The following SMIM5 variants were observed in gnomAD, a reference collection of about 807,000 sequenced individuals.
The protein encoded by SMIM5 is small integral membrane protein 5, also known as chromosome 17 open reading frame 109.
Under a neutral mutation model 4.0 loss-of-function variants are expected in SMIM5, and 4 were observed. The ratio of observed to expected loss-of-function variants is 1.01; its 90% CI spans 0.50 to 2.30. The LOEUF is 2.30. Among genes scored for constraint, SMIM5 ranks in the 30% most tolerant of loss-of-function variants. The pLI is 0.02. For missense variants in SMIM5, 107 were observed against 99.2 expected, an observed-to-expected ratio of 1.08 and a Z score of -0.34; for synonymous variants, 46 against 43.6, an observed-to-expected ratio of 1.05 and a Z score of -0.22.
chr17:75,640,142 C>T lies in SMIM5; in HGVS notation c.-36-24C>T. 1 of 1,491,466 alleles carries T rather than the reference C, an allele frequency of 6.7e-7. No homozygotes were observed. The highest frequency in any genetic ancestry group is 8.9e-7 in the Non-Finnish European group (1 of 1,123,132). The allele number at this position is 1,491,466 out of a possible 1,614,324, so 92.4% of individuals were successfully genotyped here. A position where few individuals can be genotyped will look rare whatever the true frequency, so the allele number is the denominator to read the frequency against. Reference sequence around the variant, plus strand: ...AGTGTGGGGCCAGCCGTGGAGGCTCCAGGTGTTCTCTCTGCCCCAGCAGAG... The same window carrying T: ...AGTGTGGGGCCAGCCGTGGAGGCTCTAGGTGTTCTCTCTGCCCCAGCAGAG... On this transcript the variant is annotated intron_variant, in intron 1 of 2. Coordinates refer to ENST00000375215, the MANE Select transcript of SMIM5 (RefSeq NM_001162995.3). The surrounding 1 kb of genome is among the most constrained non-coding windows in gnomAD (Gnocchi z 4.6).
chr17:75,640,105 G>A lies in SMIM5; in HGVS notation c.-36-61G>A, dbSNP rs77421619. On this transcript the variant is annotated intron_variant, in intron 1 of 2. Transcript: ENST00000375215. This position sits in a 1 kb window ranked among gnomAD's most constrained non-coding sequence, Gnocchi z 4.6. ...CGGATGGGTGCGAGGGTGGAATCTC[G>A]GTGCTGCGACGAGTGTGGGGCCAGC... The A allele has an allele frequency of 2.2e-3, 3,155 of 1,429,056 alleles. 53 individuals carry two copies. The African/African-American group carries it at 0.039, about 18-fold the overall frequency. 88.5% of individuals were successfully genotyped at this position (1,429,056 alleles called of 1,614,324 possible). A position where few individuals can be genotyped will look rare whatever the true frequency, so the allele number is the denominator to read the frequency against.
Position 75,640,350 on chromosome 17 carries a change from C to A in SMIM5, c.127+22C>A. On this transcript the variant is annotated intron_variant, in intron 2 of 2. Transcript: ENST00000375215. This position sits in a 1 kb window ranked among gnomAD's most constrained non-coding sequence, Gnocchi z 4.6. ...ACAGGTTAGTTGGGGCACTCAGCAC[C>A]CCATGGCTCTCCCTGGCATCTGGGA... 6.6e-7 allele frequency: 1 copy of A among 1,523,248 alleles called. No individual in the cohort carries two copies. Among genetic ancestry groups the A allele is most frequent in the Non-Finnish European group, 8.8e-7 (1 of 1,130,626 alleles). 94.4% of individuals were successfully genotyped at this position (1,523,248 alleles called of 1,614,324 possible).
Position 75,637,615 on chromosome 17 carries a change from TA to T in SMIM5, c.-36-2550del, listed in dbSNP as rs1290877319. 4.6e-5 allele frequency: 7 copies of T among 152,284 alleles called. No homozygotes were observed. In the East Asian group the frequency reaches 1.3e-3, roughly 29 times the overall value. 9.4% of individuals were successfully genotyped at this position (152,284 alleles called of 1,614,324 possible). A position where few individuals can be genotyped will look rare whatever the true frequency, so the allele number is the denominator to read the frequency against. ...AGGCTGGCTAGACTCACAAGACCTG[TA>T]CCTGTGGTGACAAGGACTCCAGGTA... On this transcript the variant is annotated intron_variant, in intron 1 of 2. Coordinates refer to ENST00000375215, the MANE Select transcript of SMIM5 (RefSeq NM_001162995.3).
intron 1 of SMIM5, among the ~76,000 whole-genome samples, chr17:75,635,350 T>C (rs1428780434): frequency 3.9e-5 from 6 of 152,112 alleles, no homozygotes; most frequent in Non-Finnish European, 7.4e-5. Flanking sequence ...GGCAGGCAGG[T>C]GGGGATCCCT....
At chr17:75,635,883 G>C (rs1040673172) in intron 1 of SMIM5, 1 of 985,124 alleles carries the variant, frequency 1.0e-6, no homozygotes, top group Non-Finnish European at 1.2e-6. Context: ...TCAGCTCTGC[G>C]AGGAGGAAAC....
rs1017565582 is a variant in SMIM5 at position 75,633,753 on chromosome 17, CCTCCACAGG to C, written c.-482_-474del. 9.6e-7 allele frequency: 1 copy of C among 1,040,614 alleles called. No individual in the cohort carries two copies. The allele number at this position is 1,040,614 out of a possible 1,614,324, so 64.5% of individuals were successfully genotyped here. ...AGACCTGAGAGCGCTGCAGGACTCCCCTCCACAGGCTCAGGTGGAGCCTCCCCAGGGTCC... is the reference window on the plus strand; with the variant it reads ...AGACCTGAGAGCGCTGCAGGACTCCCCTCAGGTGGAGCCTCCCCAGGGTCC... On this transcript the variant is annotated 5_prime_UTR_variant, in exon 1 of 3. Transcript: ENST00000375215.
intron 1 of SMIM5, 135 bp downstream of exon 1, chr17:75,634,337 G>T: frequency 1.2e-6 from 1 of 854,438 alleles, no homozygotes; most frequent in Non-Finnish European, 1.4e-6. Context: ...CTTCCCTGCA[G>T]GGAAGTCAGC....
At chr17:75,637,650 G>A (rs2059350358) in intron 1 of SMIM5, 1 of 152,328 alleles carries the variant, frequency 6.6e-6, no homozygotes, top group Admixed American at 6.5e-5. Context: ...TAGTCTCAAA[G>A]AGCCTGGTGT....
In SMIM5 at chr17:75,633,603, T is replaced by C. The variant is rs2059263036; in HGVS notation, c.-636T>C. On this transcript the variant is annotated 5_prime_UTR_variant, in exon 1 of 3. Coordinates refer to ENST00000375215, the MANE Select transcript of SMIM5 (RefSeq NM_001162995.3). ...CTGGTTGCAAAGCCTCCTGCTCAGC[T>C]TGAGAGGGCCACCAGCTCCCCACTG... is the stretch of plus-strand genomic sequence containing the variant. 2.5e-6 allele frequency: 3 copies of C among 1,214,988 alleles called. No homozygotes were observed. The highest frequency in any genetic ancestry group is 3.2e-6 in the Non-Finnish European group (3 of 951,256). The allele number at this position is 1,214,988 out of a possible 1,614,324, so 75.3% of individuals were successfully genotyped here.
chr17:75,637,704 T>C (rs999415104), intron 1 of SMIM5: 3 of 152,304 alleles, frequency 2.0e-5, no homozygotes, highest in African/African-American at 7.2e-5. Context: ...CAGCTTCAGA[T>C]CCACAAATGT....
Position 75,641,164 on chromosome 17 carries a change from C to T in SMIM5, c.*267C>T, listed in dbSNP as rs910508556. ...ACTGGGTCAACTGCCTGGGCTTCTT[C>T]GCCTACCTGCACTTTTTAACAAAAC... On this transcript the variant is annotated 3_prime_UTR_variant, in exon 3 of 3. Transcript: ENST00000375215. The T allele has an allele frequency of 2.6e-5, 12 of 465,534 alleles. No homozygotes were observed. Among genetic ancestry groups the T allele is most frequent in the Non-Finnish European group, 3.8e-5 (10 of 262,608 alleles). The allele number at this position is 465,534 out of a possible 1,614,324, so 28.8% of individuals were successfully genotyped here. A position where few individuals can be genotyped will look rare whatever the true frequency, so the allele number is the denominator to read the frequency against.
Position 75,634,037 on chromosome 17 carries a change from G to A in SMIM5, c.-202G>A, listed in dbSNP as rs989090880. On this transcript the variant is annotated 5_prime_UTR_variant, in exon 1 of 3. Coordinates refer to ENST00000375215, the MANE Select transcript of SMIM5 (RefSeq NM_001162995.3). ...AATTTGACACTTGGATCTCCAGGAC[G>A]ACCAACAACAAAAAAGCCAGGCAGA... is the stretch of plus-strand genomic sequence containing the variant. 8.1e-5 allele frequency: 80 copies of A among 985,582 alleles called. No homozygotes were observed. In the South Asian group the frequency reaches 2.6e-3, roughly 32 times the overall value. 61.1% of individuals were successfully genotyped at this position (985,582 alleles called of 1,614,324 possible).
At position 75,640,217 on chromosome 17, in the gene SMIM5, T is replaced by G. The variant is rs1188936335; in HGVS notation, c.16T>G (p.Phe6Val). The G allele has an allele frequency of 1.9e-6, 3 of 1,549,880 alleles. No individual in the cohort carries two copies. Among genetic ancestry groups the G allele is most frequent in the Non-Finnish European group, 1.7e-6 (2 of 1,146,364 alleles). ...CCAGCGCGGCATGGCTGCCACCGAC[T>G]TCGTGCAGGAGATGCGCGCCGTGGG... Reference protein sequence around the residue: MAATDFVQEMRAVGER... With the variant: MAATDVVQEMRAVGER... The change falls in exon 2 of 3, where the codon TTC (phenylalanine) becomes GTC (valine). Residue 6 changes from phenylalanine (F) to valine (V), a missense_variant. Phe to Val is a conservative substitution (Grantham distance 50). Transcript: ENST00000375215. This position sits in a 1 kb window ranked among gnomAD's most constrained non-coding sequence, Gnocchi z 4.6.
chr17:75,634,132 A>C lies in SMIM5; in HGVS notation c.-107A>C, dbSNP rs2059274598. 1.0e-6 allele frequency: 1 copy of C among 985,482 alleles called. No individual in the cohort carries two copies. Among genetic ancestry groups the C allele is most frequent in the African/African-American group, 1.7e-5 (1 of 57,374 alleles). The allele number at this position is 985,482 out of a possible 1,614,324, so 61.0% of individuals were successfully genotyped here. A position where few individuals can be genotyped will look rare whatever the true frequency, so the allele number is the denominator to read the frequency against. ...GGGGAGCAGCGGCGCCCACGAAGGA[A>C]GTACGAGGACAGCACGTGGAGGCTC... is the stretch of plus-strand genomic sequence containing the variant. On this transcript the variant is annotated 5_prime_UTR_variant, in exon 1 of 3. Coordinates refer to ENST00000375215, the MANE Select transcript of SMIM5 (RefSeq NM_001162995.3).
Position 75,633,916 on chromosome 17 carries a change from T to C in SMIM5, c.-323T>C, listed in dbSNP as rs1041297622. ...GGAGAGAGGGAGCTTGTCTTGTCCCTGAGCAGCGCTCTCAGGGCAGAGGTG... is the reference window on the plus strand; with the variant it reads ...GGAGAGAGGGAGCTTGTCTTGTCCCCGAGCAGCGCTCTCAGGGCAGAGGTG... On this transcript the variant is annotated 5_prime_UTR_variant, in exon 1 of 3. Transcript: ENST00000375215. 3.0e-6 allele frequency: 3 copies of C among 987,416 alleles called. No homozygotes were observed. In the African/African-American group the frequency reaches 5.2e-5, roughly 17 times the overall value. 61.2% of individuals were successfully genotyped at this position (987,416 alleles called of 1,614,324 possible).
rs2059411940 is a variant in SMIM5, at chr17:75,640,316, A to G, written c.115A>G (p.Ile39Val). The G allele has an allele frequency of 6.5e-7, 1 of 1,548,990 alleles. No individual in the cohort carries two copies. Among genetic ancestry groups the G allele is most frequent in the South Asian group, 1.2e-5 (1 of 83,804 alleles). The change falls in exon 2 of 3, where the codon ATC becomes GTC. Residue 39 changes from isoleucine to valine, a missense_variant. Coordinates refer to ENST00000375215, the MANE Select transcript of SMIM5 (RefSeq NM_001162995.3). The surrounding 1 kb of genome is among the most constrained non-coding windows in gnomAD (Gnocchi z 4.6). ...GGAGATCGTGGCCTTCTCAGTCATCATCCTTTTCACAGGTTAGTTGGGGCA... is the reference window on the plus strand; with the variant it reads ...GGAGATCGTGGCCTTCTCAGTCATCGTCCTTTTCACAGGTTAGTTGGGGCA... The part of the protein sequence containing the change: ...PVEIVAFSVI[I>V]LFTATVLLLL...
Position 75,640,143 on chromosome 17 carries a change from AGGT to A in SMIM5, c.-36-21_-36-19del. 6.7e-7 allele frequency: 1 copy of A among 1,492,290 alleles called. No individual in the cohort carries two copies. Among genetic ancestry groups the A allele is most frequent in the South Asian group, 1.3e-5 (1 of 76,648 alleles). 92.4% of individuals were successfully genotyped at this position (1,492,290 alleles called of 1,614,324 possible). On this transcript the variant is annotated intron_variant, in intron 1 of 2. Transcript: ENST00000375215. This position sits in a 1 kb window ranked among gnomAD's most constrained non-coding sequence, Gnocchi z 4.6. ...GTGTGGGGCCAGCCGTGGAGGCTCC[AGGT>A]GTTCTCTCTGCCCCAGCAGAGCCCG... is the stretch of plus-strand genomic sequence containing the variant.
chr17:75,634,117 G>GGCGC lies in SMIM5; in HGVS notation c.-121_-118dup. Reference sequence around the variant, plus strand: ...GGGCTGAGGCGCCCAGGGGAGCAGCGGCGCCCACGAAGGAAGTACGAGGAC... The same window carrying GGCGC: ...GGGCTGAGGCGCCCAGGGGAGCAGCGGCGCGCGCCCACGAAGGAAGTACGAGGAC... On this transcript the variant is annotated 5_prime_UTR_variant, in exon 1 of 3. Coordinates refer to ENST00000375215, the MANE Select transcript of SMIM5 (RefSeq NM_001162995.3). 1 of 985,554 alleles carries GGCGC rather than the reference G, an allele frequency of 1.0e-6. No individual in the cohort carries two copies. Among genetic ancestry groups the GGCGC allele is most frequent in the Middle Eastern group, 5.2e-4 (1 of 1,914 alleles). 61.1% of individuals were successfully genotyped at this position (985,554 alleles called of 1,614,324 possible).
Position 75,640,901 on chromosome 17 carries a change from A to C in SMIM5, c.*4A>C. The C allele has an allele frequency of 6.5e-7, 1 of 1,542,928 alleles. No individual in the cohort carries two copies. The highest frequency in any genetic ancestry group is 8.7e-7 in the Non-Finnish European group (1 of 1,146,736). ...GGTGCAGCCGACACCACCATGACGGACGGGCGATGGCTGAGGAGAAGCTGG... is the reference window on the plus strand; with the variant it reads ...GGTGCAGCCGACACCACCATGACGGCCGGGCGATGGCTGAGGAGAAGCTGG... On this transcript the variant is annotated 3_prime_UTR_variant, in exon 3 of 3. Coordinates refer to ENST00000375215, the MANE Select transcript of SMIM5 (RefSeq NM_001162995.3). This position sits in a 1 kb window ranked among gnomAD's most constrained non-coding sequence, Gnocchi z 4.6.
Sources: allele counts gnomAD v4.1 joint callset (sites outside exome capture counted in the v4.1 genomes callset), GRCh38; gene constraint gnomAD v4.1.1; non-coding constraint Gnocchi (gnomAD v3.1); transcripts MANE v1.5; gene names NCBI Gene and HGNC (gene_info 2026-07-23, HGNC 2026-07-21).